The following SPTAN1 variants were observed in gnomAD, a reference collection of about 807,000 sequenced individuals.
SPTAN1 encodes the protein spectrin alpha, non-erythrocytic 1.
A neutral mutation model predicts 331.3 loss-of-function variants in SPTAN1; 61 were observed. That is an observed-to-expected ratio of 0.18 (90% CI 0.15 to 0.23). SPTAN1 has a LOEUF of 0.23. SPTAN1 is among the 10% of genes least tolerant of loss of function. The pLI is 1.00. For missense variants in SPTAN1, 2,043 were observed against 3,147.9 expected, an observed-to-expected ratio of 0.65 and a Z score of 8.40; for synonymous variants, 1,153 against 1,173.9, an observed-to-expected ratio of 0.98 and a Z score of 0.36.
intron 19 of SPTAN1, among the ~76,000 whole-genome samples, chr9:128,586,407 A>T (rs1852644291): frequency 6.6e-6 from 1 of 152,118 alleles, no homozygotes; most frequent in African/African-American, 2.4e-5. Flanking sequence ...TGCTAGGATG[A>T]TAGGAATGAA....
Position 128,629,321 on chromosome 9 carries a change from C to T in SPTAN1, c.6708-1000C>T, listed in dbSNP as rs1859292348. On this transcript the variant is annotated intron_variant, in intron 51 of 56. Coordinates refer to ENST00000372739, the MANE Select transcript of SPTAN1 (RefSeq NM_001130438.3). This position sits in a 1 kb window ranked among gnomAD's most constrained non-coding sequence, Gnocchi z 4.9. ...AGGAGGGGTCTGTCCTCCCACTGCA[C>T]CGGCACCCAGCCTCCTGCCCCCAGG... 2.5e-6 allele frequency: 1 copy of T among 393,174 alleles called. No homozygotes were observed. The highest frequency in any genetic ancestry group is 4.5e-6 in the Non-Finnish European group (1 of 223,170). The allele number at this position is 393,174 out of a possible 1,614,324, so 24.4% of individuals were successfully genotyped here.
intron 21 of SPTAN1, among the ~76,000 whole-genome samples, chr9:128,589,824 C>T (rs1337973052): frequency 1.3e-5 from 2 of 152,114 alleles, no homozygotes; most frequent in East Asian, 1.9e-4. Context: ...ATCCACCCGC[C>T]TCAGCCTCCC....
At chr9:128,582,240 C>G (rs184011016) in intron 12 of SPTAN1, among the ~76,000 whole-genome samples, 33 of 152,208 alleles carry the variant, frequency 2.2e-4, no homozygotes, top group African/African-American at 7.7e-4. Context: ...GAGATCGTGC[C>G]ACAACTAATG....
At position 128,630,308 on chromosome 9, in the gene SPTAN1, C is replaced by T; in HGVS notation, c.6708-13C>T. 1.2e-6 allele frequency: 2 copies of T among 1,613,838 alleles called. No individual in the cohort carries two copies. The highest frequency in any genetic ancestry group is 1.1e-5 in the South Asian group (1 of 91,062). On this transcript the variant is annotated splice_polypyrimidine_tract_variant and intron_variant, in intron 51 of 56. Coordinates refer to ENST00000372739, the MANE Select transcript of SPTAN1 (RefSeq NM_001130438.3). ...GGAGCAGGCCCCTTTCCTCACTGTC[C>T]TTCCACGTTTAGGTCCTGTATGGTG...
chr9:128,602,696 C>T (rs545288699), intron 27 of SPTAN1, among the ~76,000 whole-genome samples: 17 of 152,054 alleles, frequency 1.1e-4, no homozygotes, highest in African/African-American at 3.6e-4. Flanking sequence ...AGTGCAGTGG[C>T]GCAATCTCAG....
chr9:128,583,034 T>A, intron 14 of SPTAN1, 43 bp from the exon 15 acceptor site: 1 of 1,603,268 alleles, frequency 6.2e-7, no homozygotes, highest in Non-Finnish European at 8.5e-7. Flanking sequence ...AACTTGACGT[T>A]CTCAGGTTCA....
At chr9:128,593,278 G>A (rs1355225529) in intron 23 of SPTAN1, 4 of 591,494 alleles carry the variant, frequency 6.8e-6, no homozygotes, top group Non-Finnish European at 1.2e-5. Context: ...TCAGAGTGGT[G>A]TTGGTTCTCC....
rs765985014 is a variant in SPTAN1 at position 128,577,719 on chromosome 9, C to T, written c.1085+213C>T. ...GGTATTTACAACTTCATAAATTCTT[C>T]TATTCTGCATCACTGCATTATGATT... On this transcript the variant is annotated intron_variant, in intron 8 of 56. Transcript: ENST00000372739. This position sits in a 1 kb window ranked among gnomAD's most constrained non-coding sequence, Gnocchi z 4.2. Among the ~76,000 whole-genome samples, 1 of 152,234 alleles carries T rather than the reference C, an allele frequency of 6.6e-6. No homozygotes were observed. Among genetic ancestry groups the T allele is most frequent in the Non-Finnish European group, 1.5e-5 (1 of 68,046 alleles).
At chr9:128,616,799 G>GC (rs1198731236) in intron 41 of SPTAN1, among the ~76,000 whole-genome samples, 1 of 152,210 alleles carries the variant, frequency 6.6e-6, no homozygotes, top group African/African-American at 2.4e-5. Context: ...GGGCATGGTG[G>GC]CACGTGCCTG....
Position 128,627,042 on chromosome 9 carries a change from G to T in SPTAN1, c.6577-344G>T. The T allele has an allele frequency of 1.8e-6, 1 of 545,524 alleles. No homozygotes were observed. The allele number at this position is 545,524 out of a possible 1,614,324, so 33.8% of individuals were successfully genotyped here. ...TGCCCAGGCTGGTCTTCAACTCCTG[G>T]CCTCAAGCAGTCCTCCTGCCCAGGC... On this transcript the variant is annotated intron_variant, in intron 49 of 56. Transcript: ENST00000372739. The surrounding 1 kb of genome is among the most constrained non-coding windows in gnomAD (Gnocchi z 4.9).
At chr9:128,632,096 G>A (rs775282851) in intron 52 of SPTAN1, 31 bp from the exon 53 acceptor site, 100 of 1,608,936 alleles carry the variant, frequency 6.2e-5, no homozygotes, top group Middle Eastern at 1.7e-4. Context: ...GAGGGCCCCC[G>A]TCTGAGCATC....
At chr9:128,554,118 CTG>C (rs1848409001) in intron 1 of SPTAN1, among the ~76,000 whole-genome samples, 1 of 152,130 alleles carries the variant, frequency 6.6e-6, no homozygotes, top group Non-Finnish European at 1.5e-5. Context: ...GTAAAGGCCT[CTG>C]TGCAGGAAAT....
At chr9:128,611,687 T>C (rs1486701493) in intron 37 of SPTAN1, 27 bp from the exon 38 acceptor site, 9 of 1,613,014 alleles carry the variant, frequency 5.6e-6, no homozygotes, top group Non-Finnish European at 6.8e-6. Flanking sequence ...GGAACTGGTT[T>C]GGAAAAAATT....
chr9:128,586,755 G>T (rs577417059), intron 19 of SPTAN1, among the ~76,000 whole-genome samples: 1 of 151,462 alleles, frequency 6.6e-6, no homozygotes, highest in Admixed American at 6.6e-5. Flanking sequence ...AAAGGTCTAG[G>T]TATAGTTCCT....
chr9:128,562,936 G>A (rs1849546971), intron 1 of SPTAN1, among the ~76,000 whole-genome samples: 1 of 148,076 alleles, frequency 6.8e-6, no homozygotes, highest in Non-Finnish European at 1.5e-5. Flanking sequence ...CTGCACTCCA[G>A]CCTGGGCGAC....
chr9:128,562,999 T>TAC (rs1849586196), intron 1 of SPTAN1, among the ~76,000 whole-genome samples: 1 of 15,852 alleles, frequency 6.3e-5, no homozygotes, highest in Non-Finnish European at 3.1e-4. Context: ...TGTGTATATA[T>TAC]ATATATATAT....
At chr9:128,585,716 T>C in intron 18 of SPTAN1, 32 bp from the exon 19 acceptor site, 1 of 1,586,964 alleles carries the variant, frequency 6.3e-7, no homozygotes. Flanking sequence ...CAACGTAGTT[T>C]TTGTTATCCT....
At chr9:128,591,835 T>C (rs1853577306) in intron 22 of SPTAN1, among the ~76,000 whole-genome samples, 1 of 152,172 alleles carries the variant, frequency 6.6e-6, no homozygotes, top group Non-Finnish European at 1.5e-5. Flanking sequence ...TTTCCACCAG[T>C]GTTCATGAGT....
Position 128,625,110 on chromosome 9 carries a change from G to A in SPTAN1, c.6000G>A (p.Lys2000=). The part of the protein sequence containing the change: ...ADVVESWIGE[K]ENSLKTDDYG... Reference sequence around the variant, plus strand: ...CCACACTTCGTTTTCTAGGTGAAAAGGAGAACAGCTTGAAGACAGATGATT... The same window carrying A: ...CCACACTTCGTTTTCTAGGTGAAAAAGAGAACAGCTTGAAGACAGATGATT... Residue 2000 remains lysine, a synonymous_variant, in exon 47 of 57, where the codon AAG becomes AAA. Transcript: ENST00000372739. This position sits in a 1 kb window ranked among gnomAD's most constrained non-coding sequence, Gnocchi z 4.1. 1.2e-6 allele frequency: 2 copies of A among 1,614,164 alleles called. No homozygotes were observed. The highest frequency in any genetic ancestry group is 1.7e-6 in the Non-Finnish European group (2 of 1,180,022).
Sources: allele counts gnomAD v4.1 joint callset (sites outside exome capture counted in the v4.1 genomes callset), GRCh38; gene constraint gnomAD v4.1.1; non-coding constraint Gnocchi (gnomAD v3.1); transcripts MANE v1.5; gene names NCBI Gene and HGNC (gene_info 2026-07-23, HGNC 2026-07-21).